Variants in SIGLEC9 observed in about 807,000 individuals in gnomAD.
The protein encoded by SIGLEC9 is sialic acid binding Ig like lectin 9.
A neutral mutation model predicts 38.3 loss-of-function variants in SIGLEC9; 26 were observed. The observed-to-expected ratio is 0.68, with a 90% confidence interval of 0.50 to 0.94. The LOEUF (loss-of-function observed/expected upper bound fraction) is 0.94. Among genes scored for constraint, SIGLEC9 ranks in the 40% least tolerant of loss-of-function variants. The pLI is 0.00. For synonymous variants in SIGLEC9, 236 were observed against 248.0 expected, an observed-to-expected ratio of 0.95 and a Z score of 0.45; for missense variants, 556 against 585.7, an observed-to-expected ratio of 0.95 and a Z score of 0.52.
chr19:51,132,129 G>A (rs2092019262), downstream of SIGLEC9, among the ~76,000 whole-genome samples: 1 of 152,094 alleles, frequency 6.6e-6, no homozygotes, highest in Admixed American at 6.5e-5. Context: ...GTTTCTCCAA[G>A]AGCTGGGTGT....
At chr19:51,128,864 G>A (rs2091996401) in intron 6 of SIGLEC9, 1 of 221,862 alleles carries the variant, frequency 4.5e-6, no homozygotes. Context: ...ATACCGTTTA[G>A]AGCAGAAGCC....
At chr19:51,124,217 G>A (rs1455789051), upstream of SIGLEC9, among the ~76,000 whole-genome samples, 1 of 152,082 alleles carries the variant, frequency 6.6e-6, no homozygotes, top group African/African-American at 2.4e-5. Context: ...CAGTTTCCCA[G>A]ACCTCCTGCG....
chr19:51,120,949 G>A (rs967940031), upstream of SIGLEC9, among the ~76,000 whole-genome samples: 2 of 151,122 alleles, frequency 1.3e-5, no homozygotes, highest in African/African-American at 2.4e-5. The surrounding 1 kb of genome is among the most constrained non-coding windows in gnomAD (Gnocchi z 4.1). Flanking sequence ...AGGCTCAAGC[G>A]ATCCTCCTGC....
At chr19:51,129,795 T>C (rs2569446) in intron 6 of SIGLEC9, 96 bp from the exon 7 acceptor site, 842,354 of 852,574 alleles carry the variant, frequency 0.99, 416,156 homozygotes, top group East Asian at 1. Flanking sequence ...GTGATCCGCC[T>C]ACCTCAGCCT....
Position 51,125,679 on chromosome 19 carries a change from G to C in SIGLEC9, c.504G>C (p.Trp168Cys). The change falls in exon 2 of 7, where the codon TGG becomes TGC. Residue 168 changes from tryptophan (W) to cysteine (C), a missense_variant. Coordinates refer to ENST00000250360, the MANE Select transcript of SIGLEC9 (RefSeq NM_014441.3). ...CPQNLTCSVP[W>C]ACEQGTPPMI... The stretch of plus-strand genomic sequence containing the variant: ...AGAATCTGACCTGCTCTGTGCCCTG[G>C]GCCTGTGAGCAGGGGACACCCCCTA... The C allele has an allele frequency of 6.2e-7, 1 of 1,613,912 alleles. No homozygotes were observed. The highest frequency in any genetic ancestry group is 8.5e-7 in the Non-Finnish European group (1 of 1,179,984).
chr19:51,132,274 G>A (rs748373573), downstream of SIGLEC9, among the ~76,000 whole-genome samples: 5 of 152,190 alleles, frequency 3.3e-5, no homozygotes, highest in Non-Finnish European at 7.3e-5. Flanking sequence ...AAAGGCTGGT[G>A]CCAAGCATTT....
At chr19:51,122,414 C>T (rs1441993000), upstream of SIGLEC9, among the ~76,000 whole-genome samples, 1 of 152,072 alleles carries the variant, frequency 6.6e-6, no homozygotes, top group Non-Finnish European at 1.5e-5. The surrounding 1 kb of genome is among the most constrained non-coding windows in gnomAD (Gnocchi z 4.1). Flanking sequence ...AATCCCGTCT[C>T]TACTAAAAAT....
Position 51,125,313 on chromosome 19 carries a change from TG to T in SIGLEC9, c.340del (p.Ala114ArgfsTer13), listed in dbSNP as rs768706253. ...GCATCAGAGATGCCAGAAGAAGTGA[TG>T]CGGGGAGATACTTCTTTCGTATGGA... ...LSIRDARRSD[A>X]GRYFFRMEKG... is the part of the protein sequence containing the mutation. On this transcript the variant is annotated frameshift_variant, in exon 1 of 7. Transcript: ENST00000250360. LOFTEE classifies it high-confidence loss of function. 149 of 1,613,314 alleles carry T rather than the reference TG, an allele frequency of 9.2e-5. 1 individual carries two copies. In the East Asian group the frequency reaches 1.2e-3, roughly 14 times the overall value.
downstream of SIGLEC9, among the ~76,000 whole-genome samples, chr19:51,134,159 T>TC (rs1423380817): frequency 2.3e-5 from 3 of 132,758 alleles, no homozygotes; most frequent in South Asian, 5.3e-4. Flanking sequence ...TTTTTTTTTT[T>TC]TTTTTTTTTT....
At chr19:51,120,177 G>A (rs929228079), upstream of SIGLEC9, 4 of 152,708 alleles carry the variant, frequency 2.6e-5, no homozygotes, top group Non-Finnish European at 4.4e-5. The surrounding 1 kb of genome is among the most constrained non-coding windows in gnomAD (Gnocchi z 4.1). Flanking sequence ...GAAGAACCAG[G>A]GCCAGTTCAC....
chr19:51,125,573 C>A (rs1373427514), intron 1 of SIGLEC9, 24 bp from the exon 2 acceptor site: 1 of 1,606,948 alleles, frequency 6.2e-7, no homozygotes. Context: ...CTGACCTGAT[C>A]CTGAGTCCCC....
chr19:51,128,817 T>G, intron 6 of SIGLEC9: 1 of 295,044 alleles, frequency 3.4e-6, no homozygotes, highest in Non-Finnish European at 6.4e-6. Context: ...CATCGTCCAG[T>G]TCCTCTGCAT....
chr19:51,136,251 A>C, exon 7 of SIGLEC9: 1 of 688,734 alleles, frequency 1.5e-6, no homozygotes. Context: ...CTTTGCTTTT[A>C]TATTCTCTGA....
At chr19:51,129,146 GT>G (rs750894593) in intron 6 of SIGLEC9, among the ~76,000 whole-genome samples, 8,916 of 135,742 alleles carry the variant, frequency 0.066, 1,290 homozygotes, top group African/African-American at 0.25. Flanking sequence ...GACTTTTTTT[GT>G]TTTTTTTTTT....
intron 6 of SIGLEC9, 31 bp downstream of exon 6, chr19:51,128,541 T>G: frequency 6.2e-7 from 1 of 1,600,286 alleles, no homozygotes; most frequent in Non-Finnish European, 8.6e-7. Context: ...ACAGCCAGCA[T>G]GTAGCCTGGA....
chr19:51,120,087 C>G (rs761994471), upstream of SIGLEC9: 2 of 156,328 alleles, frequency 1.3e-5, no homozygotes, highest in Non-Finnish European at 2.8e-5. The surrounding 1 kb of genome is among the most constrained non-coding windows in gnomAD (Gnocchi z 4.1). Context: ...CGGCCTAGCT[C>G]ATGGTTACTG....
At chr19:51,122,960 T>G (rs888486533), upstream of SIGLEC9, 11 of 152,608 alleles carry the variant, frequency 7.2e-5, no homozygotes, top group African/African-American at 2.4e-4. The surrounding 1 kb of genome is among the most constrained non-coding windows in gnomAD (Gnocchi z 4.1). Context: ...TGAGCCTCTG[T>G]GCAGAGTGAG....
chr19:51,129,853 C>T, intron 6 of SIGLEC9, 38 bp from the exon 7 acceptor site: 1 of 1,472,064 alleles, frequency 6.8e-7, no homozygotes, highest in Non-Finnish European at 9.2e-7. Flanking sequence ...CCCATCCTCA[C>T]TGTCTGCTCT....
rs2092008171 is a variant in SIGLEC9, at chr19:51,130,218, AG to A, written c.*140del. The A allele has an allele frequency of 7.3e-7, 1 of 1,377,854 alleles. No individual in the cohort carries two copies. Among genetic ancestry groups the A allele is most frequent in the Non-Finnish European group, 9.4e-7 (1 of 1,066,312 alleles). 85.4% of individuals were successfully genotyped at this position (1,377,854 alleles called of 1,614,324 possible). On this transcript the variant is annotated 3_prime_UTR_variant, in exon 7 of 7. Coordinates refer to ENST00000250360, the MANE Select transcript of SIGLEC9 (RefSeq NM_014441.3). ...ACTATGAATTATGTGCAGAGTGAAA[AG>A]CACACAGGCTTTAGAGTCAAAGTAT...
Sources: allele counts gnomAD v4.1 joint callset (sites outside exome capture counted in the v4.1 genomes callset), GRCh38; gene constraint gnomAD v4.1.1; non-coding constraint Gnocchi (gnomAD v3.1); transcripts MANE v1.5; gene names NCBI Gene and HGNC (gene_info 2026-07-23, HGNC 2026-07-21).